PTPRA: variants seen among roughly 807,000 people sequenced by gnomAD.
The protein encoded by PTPRA is receptor-type tyrosine-protein phosphatase alpha.
In PTPRA, 25 loss-of-function variants were observed where a neutral mutation model predicts 104.8. The ratio of observed to expected loss-of-function variants is 0.24; its 90% CI spans 0.17 to 0.33. The LOEUF is 0.33. Ranked by LOEUF, PTPRA falls within the 10% of genes least tolerant of loss-of-function variation. PTPRA has a pLI of 1.00. For missense variants in PTPRA, 765 were observed against 1,015.3 expected (o/e 0.75, Z 3.35); for synonymous variants, 323 against 368.9 (o/e 0.88, Z 1.43).
At chr20:2,909,980 TC>T in intron 1 of PTPRA, among the ~76,000 whole-genome samples, 5 of 103,872 alleles carry the variant, frequency 4.8e-5, no homozygotes, top group African/African-American at 2.1e-4. Flanking sequence ...ATATAATCTA[TC>T]ATATATCATA....
At chr20:2,864,920 T>C in the PTPRA span, 8 of 1,607,570 alleles carry the variant, frequency 5.0e-6, no homozygotes, top group African/African-American at 8.0e-5. The surrounding 1 kb of genome is among the most constrained non-coding windows in gnomAD (Gnocchi z 5.2). Flanking sequence ...GTAGCCTGGG[T>C]GAGGAGGGCG....
chr20:2,965,920 A>T (rs1424020648), intron 5 of PTPRA, among the ~76,000 whole-genome samples: 1 of 152,086 alleles, frequency 6.6e-6, no homozygotes, highest in Admixed American at 6.5e-5. Flanking sequence ...GATTAGAGAT[A>T]CCCTCAAAGG....
chr20:2,914,308 G>T (rs909830356), intron 1 of PTPRA, among the ~76,000 whole-genome samples: 1 of 152,138 alleles, frequency 6.6e-6, no homozygotes, highest in African/African-American at 2.4e-5. Context: ...GTTAGGTCTG[G>T]ACAGTAGATG....
chr20:3,032,738 C>T lies in PTPRA; in HGVS notation c.1921-2847C>T, dbSNP rs1337764316. On this transcript the variant is annotated intron_variant, in intron 20 of 23. Coordinates refer to ENST00000399903, the MANE Select transcript of PTPRA (RefSeq NM_001385305.1). ...CCAAGATCGCGCCACTGCATTCCAG[C>T]CTGGTGGCAGAGTGAGACTCCATCT... Among the ~76,000 whole-genome samples, 2 of 150,866 alleles carry T rather than the reference C, an allele frequency of 1.3e-5. 1 individual carries two copies. Among genetic ancestry groups the T allele is most frequent in the Non-Finnish European group, 3.0e-5 (2 of 67,618 alleles).
At chr20:3,032,495 C>A (rs368629670) in intron 20 of PTPRA, among the ~76,000 whole-genome samples, 1 of 152,122 alleles carries the variant, frequency 6.6e-6, no homozygotes, top group African/African-American at 2.4e-5. Context: ...CGGCCGGGCG[C>A]GGTGGCTCAC....
chr20:3,029,482 C>G (rs1161497113), intron 20 of PTPRA, among the ~76,000 whole-genome samples: 1 of 145,512 alleles, frequency 6.9e-6, no homozygotes, highest in Non-Finnish European at 1.5e-5. Context: ...ATTAGCTATT[C>G]TTCCTAGACT....
intron 2 of PTPRA, among the ~76,000 whole-genome samples, chr20:2,940,750 A>G (rs1184268950): frequency 6.6e-6 from 1 of 152,180 alleles, no homozygotes; most frequent in African/African-American, 2.4e-5. Context: ...AGAATATGCC[A>G]TGTTCATTTG....
At chr20:3,002,240 A>G (rs924066059) in intron 9 of PTPRA, among the ~76,000 whole-genome samples, 2 of 152,006 alleles carry the variant, frequency 1.3e-5, no homozygotes, top group African/African-American at 4.8e-5. Flanking sequence ...ATTATTATCA[A>G]AGACAGAAAC....
intron 13 of PTPRA, among the ~76,000 whole-genome samples, chr20:3,018,447 A>C (rs2148400213): frequency 6.6e-6 from 1 of 151,480 alleles, no homozygotes; most frequent in South Asian, 2.1e-4. Flanking sequence ...TGCTGCCTTC[A>C]AGCATCTGTT....
intron 6 of PTPRA, among the ~76,000 whole-genome samples, chr20:2,986,560 C>T (rs2062920118): frequency 6.6e-6 from 1 of 152,130 alleles, no homozygotes; most frequent in South Asian, 2.1e-4. Context: ...TCATCCTGGG[C>T]CCCATGCTCT....
At chr20:2,934,394 C>T (rs1366958432) in intron 2 of PTPRA, among the ~76,000 whole-genome samples, 3 of 152,048 alleles carry the variant, frequency 2.0e-5, no homozygotes, top group Non-Finnish European at 4.4e-5. Flanking sequence ...CATGAGCCAC[C>T]GGGTATTTTT....
At chr20:2,958,746 C>CT (rs964688263) in intron 3 of PTPRA, among the ~76,000 whole-genome samples, 4 of 146,162 alleles carry the variant, frequency 2.7e-5, no homozygotes, top group African/African-American at 1.0e-4. Flanking sequence ...ACTTGGGAGG[C>CT]TGAGGCAGGA....
intron 9 of PTPRA, among the ~76,000 whole-genome samples, chr20:3,003,475 C>T (rs2063725790): frequency 6.6e-6 from 1 of 152,084 alleles, no homozygotes; most frequent in Admixed American, 6.6e-5. Flanking sequence ...TTTTAAGGCT[C>T]ATAAAATGTA....
chr20:2,902,971 T>C (rs6132983), intron 1 of PTPRA, among the ~76,000 whole-genome samples: 2,343 of 152,212 alleles, frequency 0.015, 122 homozygotes, highest in Admixed American at 0.09. Context: ...ACTTTTTGGG[T>C]ACGTAACCTT....
intron 6 of PTPRA, 118 bp from the exon 7 acceptor site, chr20:2,986,647 C>T: frequency 1.2e-6 from 1 of 852,476 alleles, no homozygotes; most frequent in Non-Finnish European, 2.0e-6. Flanking sequence ...TTTCCATTTC[C>T]TGGCATCTGC....
chr20:2,894,529 A>T (rs1259899818), intron 1 of PTPRA, among the ~76,000 whole-genome samples: 1 of 151,616 alleles, frequency 6.6e-6, no homozygotes, highest in Non-Finnish European at 1.5e-5. Context: ...GCTGGTCTTG[A>T]ACTCCCGGGC....
intron 1 of PTPRA, among the ~76,000 whole-genome samples, chr20:2,884,101 CCATT>C (rs1447473455): frequency 2.0e-5 from 3 of 152,098 alleles, no homozygotes; most frequent in African/African-American, 7.2e-5. Flanking sequence ...GAATAATAAT[CCATT>C]ATATTGATAT....
At chr20:3,011,440 G>A (rs1438795472) in intron 11 of PTPRA, among the ~76,000 whole-genome samples, 6 of 152,154 alleles carry the variant, frequency 3.9e-5, no homozygotes, top group Admixed American at 2.0e-4. Flanking sequence ...AATGTGCTAC[G>A]TGTGCAAAGG....
chr20:2,999,940 A>G (rs1373947503), intron 9 of PTPRA, among the ~76,000 whole-genome samples: 1 of 152,208 alleles, frequency 6.6e-6, no homozygotes, highest in Non-Finnish European at 1.5e-5. Flanking sequence ...AACACAGGTA[A>G]CTGATAAAGG....
Sources: allele counts gnomAD v4.1 joint callset (sites outside exome capture counted in the v4.1 genomes callset), GRCh38; gene constraint gnomAD v4.1.1; non-coding constraint Gnocchi (gnomAD v3.1); transcripts MANE v1.5; gene names NCBI Gene and HGNC (gene_info 2026-07-23, HGNC 2026-07-21).